Variants in PPM1E observed in about 807,000 individuals in gnomAD.
PPM1E encodes the protein protein phosphatase 1E.
PPM1E carries 20 observed loss-of-function variants against 65.9 expected under a neutral mutation model. That is an observed-to-expected ratio of 0.30 (90% confidence interval 0.21 to 0.44). The LOEUF (loss-of-function observed/expected upper bound fraction) is 0.44. PPM1E is among the 20% of genes least tolerant of loss of function. PPM1E has a pLI of 1.00. For missense variants in PPM1E, 713 were observed against 953.1 expected (o/e 0.75, Z 3.32); for synonymous variants, 352 against 374.9 (o/e 0.94, Z 0.70).
intron 1 of PPM1E, among the ~76,000 whole-genome samples, chr17:58,952,603 A>G (rs1279623588): frequency 1.3e-5 from 2 of 152,152 alleles, no homozygotes; most frequent in South Asian, 2.1e-4. Flanking sequence ...ACACAGGCAC[A>G]TGGCTGCTTG....
In PPM1E at chr17:58,972,230, G is replaced by A; in HGVS notation, c.1071G>A (p.Lys357=). The change falls in exon 5 of 7, where the codon AAG becomes AAA. Residue 357 remains lysine (K), a synonymous_variant. Coordinates refer to ENST00000308249, the MANE Select transcript of PPM1E (RefSeq NM_014906.5). ...VGDSQVMLVR[K]GQAVELMKPH... is the part of the protein sequence containing the mutation. The stretch of plus-strand genomic sequence containing the variant: ...ATTCCCAGGTTATGCTTGTGAGAAA[G>A]GGCCAAGCTGTTGAACTAATGAAGC... 6.2e-7 allele frequency: 1 copy of A among 1,614,130 alleles called. No homozygotes were observed. Among genetic ancestry groups the A allele is most frequent in the South Asian group, 1.1e-5 (1 of 91,080 alleles).
chr17:58,982,725 A>AT lies in PPM1E; in HGVS notation c.*1698dup. On this transcript the variant is annotated 3_prime_UTR_variant, in exon 7 of 7. Transcript: ENST00000308249. ...GACTTTCAGTATTTGTTTTCTCTTG[A>AT]TTTTGAAGTCATTTCTTCTTCTCAC... 1 of 526,930 alleles carries AT rather than the reference A, an allele frequency of 1.9e-6. No homozygotes were observed. Among genetic ancestry groups the AT allele is most frequent in the South Asian group, 3.3e-5 (1 of 30,116 alleles). 32.6% of individuals were successfully genotyped at this position (526,930 alleles called of 1,614,324 possible). A position where few individuals can be genotyped will look rare whatever the true frequency, so the allele number is the denominator to read the frequency against.
At chr17:58,789,129 A>T (rs1239122667) in intron 1 of PPM1E, among the ~76,000 whole-genome samples, 1 of 152,200 alleles carries the variant, frequency 6.6e-6, no homozygotes, top group Non-Finnish European at 1.5e-5. Flanking sequence ...CAATTAAGTG[A>T]TCTTTTCTCT....
At chr17:58,822,974 G>GA (rs1486650166) in intron 1 of PPM1E, among the ~76,000 whole-genome samples, 1 of 151,986 alleles carries the variant, frequency 6.6e-6, no homozygotes, top group Admixed American at 6.6e-5. Flanking sequence ...AAAGTATTGT[G>GA]AAAAAAATAT....
intron 1 of PPM1E, among the ~76,000 whole-genome samples, chr17:58,771,181 C>T (rs769113920): frequency 4.0e-5 from 6 of 151,250 alleles, no homozygotes; most frequent in Non-Finnish European, 2.9e-5. Context: ...TCTAAGTGGT[C>T]GACAAATAAA....
At position 58,969,592 on chromosome 17, in the gene PPM1E, T is replaced by C. The variant is rs748210184; in HGVS notation, c.837T>C (p.Asp279=). 5.0e-6 allele frequency: 8 copies of C among 1,614,168 alleles called. No individual in the cohort carries two copies. The highest frequency in any genetic ancestry group is 6.8e-6 in the Non-Finnish European group (8 of 1,180,024). ...FAVFDGHGGV[D]AAIYASIHLH... is the part of the protein sequence containing the mutation. ...TGTTTGATGGCCATGGGGGAGTAGA[T>C]GCTGCTATTTATGCCTCCATTCACC... The change falls in exon 4 of 7, where the codon GAT becomes GAC. Residue 279 remains aspartate, a synonymous_variant. Transcript: ENST00000308249.
intron 1 of PPM1E, among the ~76,000 whole-genome samples, chr17:58,818,789 C>T (rs953370981): frequency 1.8e-4 from 28 of 152,166 alleles, no homozygotes; most frequent in Non-Finnish European, 2.5e-4. Context: ...TATGTAAACT[C>T]CTTAAGGGCA....
At chr17:58,810,177 T>A (rs1252233655) in intron 1 of PPM1E, among the ~76,000 whole-genome samples, 1 of 152,146 alleles carries the variant, frequency 6.6e-6, no homozygotes, top group Non-Finnish European at 1.5e-5. Context: ...TGAGTTTTTG[T>A]CAAGAATAAT....
At chr17:58,974,052 C>T (rs1386547685) in intron 6 of PPM1E, among the ~76,000 whole-genome samples, 1 of 151,318 alleles carries the variant, frequency 6.6e-6, no homozygotes, top group Non-Finnish European at 1.5e-5. Flanking sequence ...TGCTTGAGTC[C>T]AGGAGTTTGA....
intron 1 of PPM1E, among the ~76,000 whole-genome samples, chr17:58,826,087 G>A (rs1161759979): frequency 2.0e-5 from 3 of 151,172 alleles, no homozygotes; most frequent in Non-Finnish European, 4.4e-5. Context: ...TCCGAAGTTC[G>A]AGACCAGCCC....
chr17:58,840,529 A>G (rs2050707836), intron 1 of PPM1E, among the ~76,000 whole-genome samples: 1 of 152,182 alleles, frequency 6.6e-6, no homozygotes, highest in Non-Finnish European at 1.5e-5. Flanking sequence ...CTTCAGTAAG[A>G]GTAACCAGGA....
chr17:58,967,519 T>TATATAG lies in PPM1E; in HGVS notation c.783+1627_783+1628insTATAGA, dbSNP rs781428896. 5.5e-5 allele frequency among the ~76,000 whole-genome samples: 8 copies of TATATAG among 145,176 alleles called. No individual in the cohort carries two copies. In the East Asian group the frequency reaches 5.9e-4, roughly 11 times the overall value. ...ATATATATGTGTATATATATATATATAGAGAGAGAGAGAGAGAGAGAGGGA... is the reference window on the plus strand; with the variant it reads ...ATATATATGTGTATATATATATATATATATAGAGAGAGAGAGAGAGAGAGAGAGGGA... On this transcript the variant is annotated intron_variant, in intron 3 of 6. Transcript: ENST00000308249.
rs112751834 is a variant in PPM1E, at chr17:58,979,786, A to G, written c.1211-188A>G. On this transcript the variant is annotated intron_variant, in intron 6 of 6. Transcript: ENST00000308249. ...ACTAGCAATTATTTAACTGGGAGTA[A>G]GGAGTAAGCAGATCTGATTACCAGA... Among the ~76,000 whole-genome samples the G allele has an allele frequency of 1.6e-3, 246 of 152,344 alleles. 1 individual carries two copies. Among genetic ancestry groups the G allele is most frequent in the African/African-American group, 5.7e-3 (235 of 41,576 alleles).
At chr17:58,953,680 A>C (rs766467120) in intron 1 of PPM1E, among the ~76,000 whole-genome samples, 4 of 151,980 alleles carry the variant, frequency 2.6e-5, no homozygotes, top group Non-Finnish European at 4.4e-5. Flanking sequence ...TAACATCTCA[A>C]ATGCCAGACT....
chr17:58,799,361 C>A (rs1300474980), intron 1 of PPM1E, among the ~76,000 whole-genome samples: 1 of 151,974 alleles, frequency 6.6e-6, no homozygotes, highest in Non-Finnish European at 1.5e-5. Context: ...CTCACTGCAA[C>A]CTCCACCTCC....
At chr17:58,836,453 C>G (rs2050657072) in intron 1 of PPM1E, among the ~76,000 whole-genome samples, 1 of 147,726 alleles carries the variant, frequency 6.8e-6, no homozygotes, top group African/African-American at 2.5e-5. Flanking sequence ...AAGATCCTGT[C>G]TTTACAAAAA....
chr17:58,888,362 C>CTTTTTTTTT (rs71367642), intron 1 of PPM1E, among the ~76,000 whole-genome samples: 1 of 104,488 alleles, frequency 9.6e-6, no homozygotes, highest in Non-Finnish European at 1.9e-5. Flanking sequence ...ACTCTTCTCT[C>CTTTTTTTTT]TTTTTTTTTT....
chr17:58,888,058 C>A (rs1178911465), intron 1 of PPM1E, among the ~76,000 whole-genome samples: 1 of 152,066 alleles, frequency 6.6e-6, no homozygotes, highest in African/African-American at 2.4e-5. Context: ...AATGGAATTG[C>A]CCCTTACTAA....
intron 1 of PPM1E, among the ~76,000 whole-genome samples, chr17:58,905,470 A>G (rs930791094): frequency 2.6e-5 from 4 of 151,774 alleles, no homozygotes; most frequent in Non-Finnish European, 5.9e-5. Context: ...TGATCATGTA[A>G]TTTTTCTTTT....
Sources: gnomAD v4.1 joint callset for allele counts (sites outside exome capture counted in the v4.1 genomes callset) on GRCh38, gnomAD v4.1.1 for gene constraint, MANE v1.5 for transcripts, NCBI Gene and HGNC (gene_info 2026-07-23, HGNC 2026-07-21) for gene names.